Variants in USP12 observed in about 807,000 individuals in gnomAD.
The protein encoded by USP12 is ubiquitin carboxyl-terminal hydrolase 12.
A neutral mutation model predicts 45.5 loss-of-function variants in USP12; 19 were observed. The ratio of observed to expected loss-of-function variants is 0.42; its 90% CI spans 0.29 to 0.61. USP12 has a LOEUF of 0.61. Among genes scored for constraint, USP12 ranks in the 20% least tolerant of loss-of-function variants. The probability of loss-of-function intolerance (pLI) is 0.22; values close to 1 mark genes in which losing one functional copy is unlikely to be tolerated. For synonymous variants in USP12, 149 were observed against 148.8 expected (o/e 1.00, Z -0.01); for missense variants, 242 against 447.7 (o/e 0.54, Z 4.15).
chr13:27,086,635 CAT>C (rs1874059888), intron 6 of USP12, among the ~76,000 whole-genome samples: 1 of 152,152 alleles, frequency 6.6e-6, no homozygotes, highest in Admixed American at 6.5e-5. Context: ...CAATTACTCA[CAT>C]GTGATTACTT....
Position 27,129,873 on chromosome 13 carries a change from G to A in USP12, c.49-13277C>T, listed in dbSNP as rs995503756. On this transcript the variant is annotated intron_variant, in intron 1 of 8. Coordinates refer to ENST00000282344, the MANE Select transcript of USP12 (RefSeq NM_182488.4). This position sits in a 1 kb window ranked among gnomAD's most constrained non-coding sequence, Gnocchi z 4.0. ...TGGCTGCCAACTGGCATGAAGCACG[G>A]TCACATCCAAAACATACGAGTGGAG... Among the ~76,000 whole-genome samples, 9 of 152,124 alleles carry A rather than the reference G, an allele frequency of 5.9e-5. No individual in the cohort carries two copies. Among genetic ancestry groups the A allele is most frequent in the African/African-American group, 2.2e-4 (9 of 41,418 alleles).
chr13:27,128,185 G>A (rs922112766), intron 1 of USP12, among the ~76,000 whole-genome samples: 2 of 152,052 alleles, frequency 1.3e-5, no homozygotes, highest in African/African-American at 2.4e-5. Context: ...ATAAACGAAC[G>A]AAAAACAAGC....
At position 27,085,503 on chromosome 13, in the gene USP12, T is replaced by A. The variant is rs1330932904; in HGVS notation, c.734+4380A>T. Among the ~76,000 whole-genome samples, 4 of 152,086 alleles carry A rather than the reference T, an allele frequency of 2.6e-5. No homozygotes were observed. In the East Asian group the frequency reaches 7.7e-4, roughly 29 times the overall value. ...GCCGTCAAATTGATTTTTGGTTTTTTACTAAGAACTATGGTCTGTATACTC... is the reference window on the plus strand; with the variant it reads ...GCCGTCAAATTGATTTTTGGTTTTTAACTAAGAACTATGGTCTGTATACTC... On this transcript the variant is annotated intron_variant, in intron 6 of 8. Coordinates refer to ENST00000282344, the MANE Select transcript of USP12 (RefSeq NM_182488.4).
At chr13:27,095,164 G>A (rs1455442686) in intron 4 of USP12, among the ~76,000 whole-genome samples, 1 of 152,104 alleles carries the variant, frequency 6.6e-6, no homozygotes, top group East Asian at 1.9e-4. Context: ...TCTTTACAAA[G>A]TGTCCAGCAA....
chr13:27,108,987 C>T (rs989982084), intron 2 of USP12, among the ~76,000 whole-genome samples: 1 of 152,106 alleles, frequency 6.6e-6, no homozygotes, highest in South Asian at 2.1e-4. Flanking sequence ...CACATAATGA[C>T]ATTTTTTTAA....
intron 1 of USP12, among the ~76,000 whole-genome samples, chr13:27,127,181 T>G (rs150074445): frequency 6.6e-6 from 1 of 152,324 alleles, no homozygotes; most frequent in Non-Finnish European, 1.5e-5. Context: ...AGAAATCTCA[T>G]AGTTTTTAAC....
chr13:27,120,234 T>G (rs1277121235), intron 1 of USP12, among the ~76,000 whole-genome samples: 1 of 152,154 alleles, frequency 6.6e-6, no homozygotes, highest in African/African-American at 2.4e-5. Flanking sequence ...CTAGAAAAAG[T>G]AAACATTCAA....
chr13:27,086,282 T>TACAC (rs71083627), intron 6 of USP12, among the ~76,000 whole-genome samples: 11,108 of 137,162 alleles, frequency 0.081, 498 homozygotes, highest in Non-Finnish European at 0.095. Context: ...TATATATAAT[T>TACAC]ACACACACAC....
intron 1 of USP12, among the ~76,000 whole-genome samples, chr13:27,121,241 A>G (rs955715779): frequency 3.9e-5 from 6 of 152,066 alleles, no homozygotes; most frequent in Non-Finnish European, 7.4e-5. Flanking sequence ...TCTTCCCAAA[A>G]TTCATAACCA....
chr13:27,150,784 G>C (rs543372483), intron 1 of USP12, among the ~76,000 whole-genome samples: 1 of 152,308 alleles, frequency 6.6e-6, no homozygotes, highest in East Asian at 1.9e-4. Flanking sequence ...TTCAACAAGA[G>C]TGCCAACTCC....
intron 3 of USP12, among the ~76,000 whole-genome samples, chr13:27,103,607 A>ATAATAATAATAATAATAAT (rs1555234497): frequency 7.8e-6 from 1 of 128,520 alleles, no homozygotes; most frequent in African/African-American, 2.9e-5. Context: ...TCAAAAAAAA[A>ATAATAATAATAATAATAAT]AATAATAATA....
At chr13:27,135,103 G>C (rs1159631926) in intron 1 of USP12, among the ~76,000 whole-genome samples, 1 of 152,032 alleles carries the variant, frequency 6.6e-6, no homozygotes, top group Admixed American at 6.6e-5. Flanking sequence ...TGGGTAACAT[G>C]GTGAAAGCCC....
chr13:27,108,367 A>G (rs1418872903), intron 2 of USP12, among the ~76,000 whole-genome samples: 3 of 148,946 alleles, frequency 2.0e-5, no homozygotes, highest in African/African-American at 7.4e-5. Flanking sequence ...GGAACATCAC[A>G]CTCTGAGGAC....
intron 1 of USP12, among the ~76,000 whole-genome samples, chr13:27,139,776 T>C (rs542320131): frequency 3.3e-5 from 5 of 152,332 alleles, no homozygotes; most frequent in Admixed American, 1.3e-4. Context: ...CCTAGACTGA[T>C]TCACATATTT....
At chr13:27,144,499 T>TAAA (rs56311173) in intron 1 of USP12, among the ~76,000 whole-genome samples, 2 of 118,046 alleles carry the variant, frequency 1.7e-5, no homozygotes, top group African/African-American at 6.8e-5. Flanking sequence ...AGACTCTCTT[T>TAAA]AAAAAAAAAA....
chr13:27,097,090 A>G (rs1874615147), intron 3 of USP12, among the ~76,000 whole-genome samples: 1 of 152,118 alleles, frequency 6.6e-6, no homozygotes. Context: ...AATCTTATAA[A>G]TGGCAATCAA....
intron 1 of USP12, among the ~76,000 whole-genome samples, chr13:27,139,945 C>A (rs1003192479): frequency 6.6e-6 from 1 of 152,178 alleles, no homozygotes; most frequent in Non-Finnish European, 1.5e-5. Context: ...GATGTTCTAA[C>A]ATACTTGTTT....
At chr13:27,072,953 A>G (rs925971807) in intron 7 of USP12, among the ~76,000 whole-genome samples, 1 of 152,244 alleles carries the variant, frequency 6.6e-6, no homozygotes, top group African/African-American at 2.4e-5. Context: ...AAATATGATT[A>G]GTCTTTTATT....
intron 1 of USP12, among the ~76,000 whole-genome samples, chr13:27,147,027 TC>T: frequency 6.6e-6 from 1 of 152,184 alleles, no homozygotes; most frequent in Non-Finnish European, 1.5e-5. Context: ...CTGGGGCAGA[TC>T]CTTCTCCAGC....
Sources: allele counts gnomAD v4.1 joint callset (sites outside exome capture counted in the v4.1 genomes callset), GRCh38; gene constraint gnomAD v4.1.1; non-coding constraint Gnocchi (gnomAD v3.1); transcripts MANE v1.5; gene names NCBI Gene and HGNC (gene_info 2026-07-23, HGNC 2026-07-21).